IL10RB: variants seen among roughly 807,000 people sequenced by gnomAD.
The protein encoded by IL10RB is interleukin 10 receptor subunit beta, also known as interleukin-10 receptor subunit beta.
In IL10RB, 30 loss-of-function variants were observed where a neutral mutation model predicts 38.7. The ratio of observed to expected loss-of-function variants is 0.78; its 90% CI spans 0.58 to 1.05. The LOEUF is 1.05. Ranked by LOEUF, IL10RB falls within the 50% of genes least tolerant of loss-of-function variation. IL10RB has a pLI of 0.00. For missense variants in IL10RB, 328 were observed against 397.1 expected (o/e 0.83, Z 1.48); for synonymous variants, 142 against 145.9 (o/e 0.97, Z 0.19).
chr21:33,276,549 A>G, intron 2 of IL10RB, 47 bp from the exon 3 acceptor site: 2 of 1,516,292 alleles, frequency 1.3e-6, no homozygotes, highest in Non-Finnish European at 1.8e-6. Flanking sequence ...CCTCAGGGAG[A>G]CTGAAGCCAG....
intron 2 of IL10RB, among the ~76,000 whole-genome samples, chr21:33,276,269 A>C (rs1255847020): frequency 7.2e-5 from 11 of 152,206 alleles, no homozygotes; most frequent in Non-Finnish European, 1.3e-4. Flanking sequence ...GCAGCACATG[A>C]CTTTATTGAA....
chr21:33,268,314 C>T, intron 1 of IL10RB, 80 bp from the exon 2 acceptor site: 6 of 1,603,842 alleles, frequency 3.7e-6, no homozygotes, highest in Non-Finnish European at 5.1e-6. Flanking sequence ...TAGAGGAGAA[C>T]CAAGTGCTGG....
At chr21:33,292,586 C>A (rs1989510351) in intron 6 of IL10RB, among the ~76,000 whole-genome samples, 1 of 152,166 alleles carries the variant, frequency 6.6e-6, no homozygotes, top group South Asian at 2.1e-4. Flanking sequence ...AGCACCATCA[C>A]CTCGCGTCCC....
chr21:33,267,100 C>A lies in IL10RB; in HGVS notation c.49+586C>A, dbSNP rs529938357. Among the ~76,000 whole-genome samples, 15 of 152,286 alleles carry A rather than the reference C, an allele frequency of 9.8e-5. No homozygotes were observed. In the South Asian group the frequency reaches 3.1e-3, roughly 32 times the overall value. On this transcript the variant is annotated intron_variant, in intron 1 of 6. Transcript: ENST00000290200. ...CTTCTAAACCTAAATCCATTGAAAC[C>A]TTTTCTGTCCTCTAAATTGACTGCC...
In IL10RB at chr21:33,288,111, C is replaced by T; in HGVS notation, c.654C>T (p.Val218=). The change falls in exon 6 of 7, where the codon GTC becomes GTT. Residue 218 remains valine (V), a synonymous_variant. Coordinates refer to ENST00000290200, the MANE Select transcript of IL10RB (RefSeq NM_000628.5). ...VCEQTTHDET[V]PSWMVAVILM... is the part of the protein sequence containing the mutation. ...GCCCATTACCCCTGGCAGAAACGGT[C>T]CCCTCCTGGATGGTGGCCGTCATCC... 3 of 1,614,068 alleles carry T rather than the reference C, an allele frequency of 1.9e-6. No individual in the cohort carries two copies. Among genetic ancestry groups the T allele is most frequent in the Non-Finnish European group, 2.5e-6 (3 of 1,179,990 alleles).
intron 2 of IL10RB, among the ~76,000 whole-genome samples, chr21:33,270,384 C>CT (rs796190557): frequency 2.1e-3 from 303 of 142,536 alleles, no homozygotes; most frequent in South Asian, 0.017. Flanking sequence ...GTTTGTTTTT[C>CT]TTTTTTTTTT....
intron 2 of IL10RB, among the ~76,000 whole-genome samples, chr21:33,270,259 TCTCTA>T (rs1240194933): frequency 6.6e-6 from 1 of 152,266 alleles, no homozygotes; most frequent in African/African-American, 2.4e-5. Context: ...TTCTGTGCTG[TCTCTA>T]CTCAGTCTGA....
At chr21:33,303,425 G>A (rs1351589499) in intron 1 of IL10RB, among the ~76,000 whole-genome samples, 1 of 140,732 alleles carries the variant, frequency 7.1e-6, no homozygotes, top group Non-Finnish European at 1.5e-5. Flanking sequence ...CACAATCTAA[G>A]TTCACTTCAA....
In IL10RB at chr21:33,306,224, C is replaced by G. The variant is rs972406498; in HGVS notation, c.130-2752C>G. Among the ~76,000 whole-genome samples the G allele has an allele frequency of 2.0e-5, 3 of 152,184 alleles. No individual in the cohort carries two copies. In the South Asian group the frequency reaches 6.2e-4, roughly 31 times the overall value. ...GGAGAGGCAGATGGAAGGCCTACAG[C>G]ACCCAGGGAAGCAATATGAGAAAAG... On this transcript the variant is annotated intron_variant, in intron 1 of 1. Coordinates refer to the IL10RB transcript ENST00000609556.
chr21:33,286,032 C>G (rs1244807101), intron 5 of IL10RB, among the ~76,000 whole-genome samples: 1 of 152,154 alleles, frequency 6.6e-6, no homozygotes, highest in African/African-American at 2.4e-5. Context: ...CCCGCAAGGA[C>G]AGGAGCTGGG....
rs984466219 is a variant in IL10RB, at chr21:33,266,431, C to G, written c.-35C>G. On this transcript the variant is annotated 5_prime_UTR_variant, in exon 1 of 7. Transcript: ENST00000290200. ...CCCGGGCGCGGGCGGGGGTCGTGTG[C>G]TTGGAGGAAGCCGCGGAACCCCCAG... is the stretch of plus-strand genomic sequence containing the variant. The G allele has an allele frequency of 3.9e-6, 6 of 1,539,210 alleles. No individual in the cohort carries two copies. The Admixed American group carries it at 1.2e-4, about 30-fold the overall frequency.
chr21:33,267,533 A>T (rs1355998648), intron 1 of IL10RB, among the ~76,000 whole-genome samples: 1 of 108,444 alleles, frequency 9.2e-6, no homozygotes. Context: ...TTTTTGAGAC[A>T]GGGTTTTGCT....
chr21:33,295,911 G>C (rs901110253), intron 6 of IL10RB, among the ~76,000 whole-genome samples: 1 of 151,980 alleles, frequency 6.6e-6, no homozygotes, highest in African/African-American at 2.4e-5. Context: ...TGGCGTGGTA[G>C]CACATGCCTG....
chr21:33,291,529 G>C (rs1301700984), intron 6 of IL10RB, among the ~76,000 whole-genome samples: 2 of 152,162 alleles, frequency 1.3e-5, no homozygotes, highest in Non-Finnish European at 2.9e-5. Flanking sequence ...GCCTCCCAAA[G>C]TGCTGGGATT....
At chr21:33,288,400 C>A (rs1989420786) in intron 6 of IL10RB, 139 bp downstream of exon 6, 3 of 678,542 alleles carry the variant, frequency 4.4e-6, no homozygotes, top group Non-Finnish European at 5.3e-6. Context: ...CACACACACA[C>A]ACACAGACAC....
chr21:33,273,245 T>A (rs1437348693), intron 2 of IL10RB, among the ~76,000 whole-genome samples: 1 of 152,240 alleles, frequency 6.6e-6, no homozygotes, highest in Non-Finnish European at 1.5e-5. Flanking sequence ...TATACAGGCA[T>A]ATCACAGAGA....
downstream of IL10RB, among the ~76,000 whole-genome samples, chr21:33,300,246 C>T (rs1262948384): frequency 6.6e-6 from 1 of 152,070 alleles, no homozygotes; most frequent in Non-Finnish European, 1.5e-5. Context: ...TTGAGACCAG[C>T]CTGGTTAACA....
downstream of IL10RB, among the ~76,000 whole-genome samples, chr21:33,299,891 T>C (rs2082981389): frequency 2.0e-5 from 3 of 152,210 alleles, no homozygotes; most frequent in South Asian, 6.2e-4. Context: ...AAGGGGTCGC[T>C]TTCTTTTAAT....
intron 6 of IL10RB, among the ~76,000 whole-genome samples, chr21:33,292,589 C>T (rs1197520000): frequency 1.3e-5 from 2 of 152,142 alleles, no homozygotes; most frequent in Admixed American, 6.5e-5. Context: ...ACCATCACCT[C>T]GCGTCCCTCG....
Sources: allele counts gnomAD v4.1 joint callset (sites outside exome capture counted in the v4.1 genomes callset), GRCh38; gene constraint gnomAD v4.1.1; transcripts MANE v1.5; gene names NCBI Gene and HGNC (gene_info 2026-07-23, HGNC 2026-07-21).